MSH5: variants seen among roughly 807,000 people sequenced by gnomAD.
MSH5 encodes the protein mutS protein homolog 5.
MSH5 carries 78 observed loss-of-function variants against 107.7 expected under a neutral mutation model. That is an observed-to-expected ratio of 0.72 (90% CI 0.60 to 0.87). The LOEUF (loss-of-function observed/expected upper bound fraction) is 0.87. Among genes scored for constraint, MSH5 ranks in the 40% least tolerant of loss-of-function variants. The probability of loss-of-function intolerance (pLI) is 0.00; values close to 1 mark genes in which losing one functional copy is unlikely to be tolerated. For missense variants in MSH5, 889 were observed against 1,046.6 expected (o/e 0.85, Z 2.08); for synonymous variants, 326 against 399.5 (o/e 0.82, Z 2.19).
At chr6:31,753,730 CCT>C (rs1724822263) in intron 12 of MSH5, 101 bp downstream of exon 12, 2 of 1,170,044 alleles carry the variant, frequency 1.7e-6, no homozygotes, top group African/African-American at 1.6e-5. Flanking sequence ...TTTATTCTAC[CCT>C]CTTTTTTTTT....
intron 10 of MSH5, among the ~76,000 whole-genome samples, chr6:31,750,713 C>A (rs1809875622): frequency 1.3e-5 from 2 of 152,204 alleles, no homozygotes; most frequent in South Asian, 4.1e-4. Flanking sequence ...GTACCTGAAA[C>A]CCACCCTTGA....
intron 10 of MSH5, among the ~76,000 whole-genome samples, chr6:31,751,188 G>A (rs1326247138): frequency 2.6e-5 from 4 of 152,004 alleles, no homozygotes; most frequent in South Asian, 2.1e-4. Flanking sequence ...AGTAGAGACG[G>A]GGTTTCACCG....
At chr6:31,749,366 A>C (rs1268358641) in intron 10 of MSH5, among the ~76,000 whole-genome samples, 1 of 151,916 alleles carries the variant, frequency 6.6e-6, no homozygotes, top group African/African-American at 2.4e-5. Flanking sequence ...ACTTGGTGAA[A>C]CTTCACGTCT....
chr6:31,744,668 C>T, intron 8 of MSH5, 87 bp downstream of exon 8: 1 of 1,435,832 alleles, frequency 7.0e-7, no homozygotes, highest in Non-Finnish European at 9.8e-7. Context: ...GCTCTAGTTT[C>T]CCTAATCCTG....
intron 12 of MSH5, among the ~76,000 whole-genome samples, chr6:31,755,337 C>CATTTATTT (rs60849631): frequency 0.28 from 40,171 of 144,802 alleles, 6,300 homozygotes; most frequent in Middle Eastern, 0.36. Flanking sequence ...TTTTTGCTTG[C>CATTTATTT]ATTTATTTAT....
intron 9 of MSH5, among the ~76,000 whole-genome samples, chr6:31,746,781 CG>C (rs1455943585): frequency 6.7e-6 from 1 of 149,272 alleles, no homozygotes; most frequent in African/African-American, 2.5e-5. Context: ...TTTGGAGGGG[CG>C]GGAGGGCTCT....
chr6:31,758,504 G>C lies in MSH5; in HGVS notation c.1144-44G>C. ...GGGCCCAAGGAGAGCTGAGGAACAG[G>C]ACAGAGGGTGCCAGGTCCTAAGAAA... On this transcript the variant is annotated intron_variant, in intron 13 of 24. Transcript: ENST00000375750. This position sits in a 1 kb window ranked among gnomAD's most constrained non-coding sequence, Gnocchi z 5.1. The C allele has an allele frequency of 6.2e-7, 1 of 1,608,252 alleles. No individual in the cohort carries two copies. The highest frequency in any genetic ancestry group is 2.2e-5 in the East Asian group (1 of 44,864).
At position 31,740,500 on chromosome 6, in the gene MSH5, C is replaced by T; in HGVS notation, c.34C>T (p.Pro12Ser). The T allele has an allele frequency of 6.4e-7, 1 of 1,567,816 alleles. No homozygotes were observed. Among genetic ancestry groups the T allele is most frequent in the Non-Finnish European group, 8.7e-7 (1 of 1,156,008 alleles). ...CTTAGGAGCGAACCCAAGGAGGACA[C>T]CGCAGGGACCGAGACCTGGGGCGGC... is the stretch of plus-strand genomic sequence containing the variant. ...ASLGANPRRT[P>S]QGPRPGAASS... Residue 12 changes from proline to serine, a missense_variant, in exon 2 of 25, where the codon CCG becomes TCG. This residue lies in a region of MSH5 where 518 missense variants were observed against 565.0 expected (regional missense o/e 0.92). Transcript: ENST00000375750. This position sits in a 1 kb window ranked among gnomAD's most constrained non-coding sequence, Gnocchi z 4.4.
rs751494700 is a variant in MSH5, at chr6:31,759,548, T to C, written c.1495+36T>C. 1.9e-6 allele frequency: 3 copies of C among 1,606,326 alleles called. No individual in the cohort carries two copies. The highest frequency in any genetic ancestry group is 2.7e-5 in the African/African-American group (2 of 74,728). ...GCCAGAGGTTATATGCATTGTAAGA[T>C]GTTTAAAAAAAGCAGCAGCCAGGGG... On this transcript the variant is annotated intron_variant, in intron 17 of 24. Transcript: ENST00000375750. The surrounding 1 kb of genome is among the most constrained non-coding windows in gnomAD (Gnocchi z 4.7).
At chr6:31,742,759 A>T in intron 3 of MSH5, 118 bp from the exon 4 acceptor site, 1 of 925,328 alleles carries the variant, frequency 1.1e-6, no homozygotes, top group Non-Finnish European at 1.7e-6. Flanking sequence ...AGCACTCCCT[A>T]CTCCTAGGGA....
intron 8 of MSH5, among the ~76,000 whole-genome samples, chr6:31,744,894 G>A (rs755958380): frequency 2.0e-5 from 3 of 151,940 alleles, no homozygotes; most frequent in Admixed American, 1.3e-4. Flanking sequence ...CGGGTGGATC[G>A]CCTGAGGTCA....
intron 8 of MSH5, 34 bp from the exon 9 acceptor site, chr6:31,745,203 A>T (rs375664869): frequency 7.1e-7 from 1 of 1,401,062 alleles, no homozygotes; most frequent in African/African-American, 1.4e-5. Flanking sequence ...CAAAAGTCCA[A>T]GTTACCCCAA....
intron 12 of MSH5, among the ~76,000 whole-genome samples, chr6:31,755,590 G>A (rs899567876): frequency 3.6e-4 from 54 of 152,104 alleles, no homozygotes; most frequent in African/African-American, 1.2e-3. Flanking sequence ...TCGAACTCCC[G>A]ACCTCAGATG....
intron 8 of MSH5, 49 bp downstream of exon 8, chr6:31,744,630 A>C: frequency 6.3e-7 from 1 of 1,590,706 alleles, no homozygotes; most frequent in Non-Finnish European, 8.6e-7. Context: ...AGAAGGATTA[A>C]GTTTAATGCC....
rs1810912776 is a variant in MSH5 at position 31,760,709 on chromosome 6, T to C, written c.1832T>C (p.Met611Thr). The change falls in exon 20 of 25, where the codon ATG becomes ACG. Residue 611 changes from methionine to threonine, a missense_variant. This residue lies in a region of MSH5 where 362 missense variants were observed against 456.2 expected (regional missense o/e 0.79). Transcript: ENST00000375750. The surrounding 1 kb of genome is among the most constrained non-coding windows in gnomAD (Gnocchi z 5.6). ...ATTCAGGTAGGCTTGATCACATTCA[T>C]GGCCCTGGTAGGCAGCTTTGTGCCA... ...YLKQVGLITF[M>T]ALVGSFVPAE... 1.2e-6 allele frequency: 2 copies of C among 1,612,942 alleles called. No individual in the cohort carries two copies. Among genetic ancestry groups the C allele is most frequent in the Non-Finnish European group, 8.5e-7 (1 of 1,180,058 alleles).
rs1031511385 is a variant in MSH5, at chr6:31,740,441, T to G, written c.-13-13T>G. The G allele has an allele frequency of 6.5e-7, 1 of 1,548,390 alleles. No homozygotes were observed. The highest frequency in any genetic ancestry group is 2.5e-5 in the East Asian group (1 of 40,468). Reference sequence around the variant, plus strand: ...CGTTGCTTCCGAACCGCCCTCACTTTTTGCATCCGCAGAGCCTCCAAGCTC... The same window carrying G: ...CGTTGCTTCCGAACCGCCCTCACTTGTTGCATCCGCAGAGCCTCCAAGCTC... On this transcript the variant is annotated splice_polypyrimidine_tract_variant and intron_variant, in intron 1 of 24. Coordinates refer to ENST00000375750, the MANE Select transcript of MSH5 (RefSeq NM_172166.4). The surrounding 1 kb of genome is among the most constrained non-coding windows in gnomAD (Gnocchi z 4.4).
rs2151377450 is a variant in MSH5, at chr6:31,759,701, G to A, written c.1496-85G>A. 1 of 1,492,566 alleles carries A rather than the reference G, an allele frequency of 6.7e-7. No homozygotes were observed. The highest frequency in any genetic ancestry group is 1.2e-5 in the South Asian group (1 of 83,350). The allele number at this position is 1,492,566 out of a possible 1,614,324, so 92.5% of individuals were successfully genotyped here. A position where few individuals can be genotyped will look rare whatever the true frequency, so the allele number is the denominator to read the frequency against. On this transcript the variant is annotated intron_variant, in intron 17 of 24. Coordinates refer to ENST00000375750, the MANE Select transcript of MSH5 (RefSeq NM_172166.4). The surrounding 1 kb of genome is among the most constrained non-coding windows in gnomAD (Gnocchi z 4.7). ...AGGTCTCAGATTGTATCTGCAACCT[G>A]TTTCCAGATCCCCCTAGGGGCCTCT...
chr6:31,754,998 C>T (rs1262945812), intron 12 of MSH5, among the ~76,000 whole-genome samples: 2 of 152,094 alleles, frequency 1.3e-5, no homozygotes, highest in Non-Finnish European at 2.9e-5. Flanking sequence ...GTGATCCACC[C>T]GCCTCGGCCT....
rs1391684704 is a variant in MSH5 at position 31,743,063 on chromosome 6, G to A, written c.353-45G>A. 2.5e-6 allele frequency: 4 copies of A among 1,611,766 alleles called. No individual in the cohort carries two copies. The African/African-American group carries it at 4.0e-5, about 16-fold the overall frequency. ...AGGGAGTGTCAGACAGAGGTAGAAG[G>A]ACTGAGATGTAAAGAATGATAGCCT... On this transcript the variant is annotated intron_variant, in intron 4 of 24. Transcript: ENST00000375750.
Sources: allele counts gnomAD v4.1 joint callset (sites outside exome capture counted in the v4.1 genomes callset), GRCh38; gene constraint gnomAD v4.1.1; regional missense constraint gnomAD v4.1.1; non-coding constraint Gnocchi (gnomAD v3.1); transcripts MANE v1.5; gene names NCBI Gene and HGNC (gene_info 2026-07-23, HGNC 2026-07-21).